CTSO: variants seen among roughly 807,000 people sequenced by gnomAD.
CTSO encodes cathepsin O.
A neutral mutation model predicts 42.4 loss-of-function variants in CTSO; 40 were observed. That is an observed-to-expected ratio of 0.94 (90% CI 0.73 to 1.23). The LOEUF is 1.23. Ranked by LOEUF, CTSO falls within the 50% of genes most tolerant of loss-of-function variation. The pLI, the probability that CTSO is intolerant of heterozygous loss-of-function variation, is 0.00. For synonymous variants in CTSO, 156 were observed against 146.2 expected (o/e 1.07, Z -0.48); for missense variants, 441 against 396.0 (o/e 1.11, Z -0.96).
At chr4:155,953,629 C>A in intron 1 of CTSO, 84 bp downstream of exon 1, 1 of 1,226,770 alleles carries the variant, frequency 8.2e-7, no homozygotes, top group Non-Finnish European at 1.0e-6. Flanking sequence ...AGGGTCAGCT[C>A]TCGGGGGCCC....
intron 5 of CTSO, among the ~76,000 whole-genome samples, chr4:155,932,114 G>A (rs185331831): frequency 9.2e-5 from 14 of 152,002 alleles, no homozygotes; most frequent in Non-Finnish European, 1.2e-4. Flanking sequence ...AAATTTCTGG[G>A]GTCTGATAAA....
At chr4:155,944,114 A>C (rs564100458) in intron 1 of CTSO, among the ~76,000 whole-genome samples, 4 of 152,296 alleles carry the variant, frequency 2.6e-5, no homozygotes, top group Admixed American at 1.3e-4. Context: ...TATATGTCTT[A>C]TTCCTTATGG....
chr4:155,931,965 T>G (rs889993747), intron 5 of CTSO, among the ~76,000 whole-genome samples: 2 of 152,046 alleles, frequency 1.3e-5, no homozygotes, highest in African/African-American at 4.8e-5. Flanking sequence ...TGCTTCATAA[T>G]GTGGATTTTC....
Position 155,939,460 on chromosome 4 carries a change from G to C in CTSO, c.463C>G (p.Leu155Val). 3 of 1,614,118 alleles carry C rather than the reference G, an allele frequency of 1.9e-6. No homozygotes were observed. Among genetic ancestry groups the C allele is most frequent in the Non-Finnish European group, 2.5e-6 (3 of 1,180,020 alleles). Residue 155 changes from leucine to valine, a missense_variant, in exon 4 of 8, where the codon CTA becomes GTA. Physicochemically the swap from Leu to Val is conservative, Grantham distance 32. Transcript: ENST00000433477. ...YAIKGKPLED[L>V]SVQQVIDCSY... Reference sequence around the variant, plus strand: ...CAGTCAATGACCTGCTGGACACTTAGGTCTTCCAGGGGCTTCCCCTTTATT... The same window carrying C: ...CAGTCAATGACCTGCTGGACACTTACGTCTTCCAGGGGCTTCCCCTTTATT...
At chr4:155,952,941 C>A (rs1225083599) in intron 1 of CTSO, among the ~76,000 whole-genome samples, 1 of 151,954 alleles carries the variant, frequency 6.6e-6, no homozygotes, top group Non-Finnish European at 1.5e-5. Context: ...CATAGTGAGG[C>A]GAACACTAAA....
At chr4:155,951,373 T>TA (rs1331064641) in intron 1 of CTSO, among the ~76,000 whole-genome samples, 1 of 152,188 alleles carries the variant, frequency 6.6e-6, no homozygotes, top group Non-Finnish European at 1.5e-5. Flanking sequence ...ATCCAATAGT[T>TA]AAGAGCTTCC....
At chr4:155,943,083 T>C in intron 2 of CTSO, 73 bp downstream of exon 2, 1 of 879,360 alleles carries the variant, frequency 1.1e-6, no homozygotes, top group Non-Finnish European at 1.8e-6. Context: ...AGATTTACAA[T>C]GAAATATTTA....
intron 1 of CTSO, among the ~76,000 whole-genome samples, chr4:155,951,639 C>A (rs1020031217): frequency 5.9e-5 from 9 of 152,154 alleles, no homozygotes; most frequent in African/African-American, 1.7e-4. Context: ...AACCCATGAC[C>A]ATGAAAGACA....
intron 1 of CTSO, among the ~76,000 whole-genome samples, chr4:155,947,222 A>G (rs551859099): frequency 1.7e-4 from 26 of 152,166 alleles, no homozygotes; most frequent in Non-Finnish European, 3.1e-4. Context: ...TGGCTATATA[A>G]TCAACCTCTC....
intron 5 of CTSO, among the ~76,000 whole-genome samples, chr4:155,934,632 T>C (rs571674457): frequency 1.3e-5 from 2 of 152,334 alleles, no homozygotes; most frequent in South Asian, 4.1e-4. Context: ...ATGACTTGGA[T>C]GTGAGATCTG....
At chr4:155,952,505 C>G (rs10005559) in intron 1 of CTSO, among the ~76,000 whole-genome samples, 140,511 of 152,320 alleles carry the variant, frequency 0.92, 65,499 homozygotes, top group East Asian at 1. Flanking sequence ...TAAGGGGTTT[C>G]GTTTACCAGG....
chr4:155,951,657 T>A (rs965494697), intron 1 of CTSO, among the ~76,000 whole-genome samples: 1 of 152,212 alleles, frequency 6.6e-6, no homozygotes, highest in Non-Finnish European at 1.5e-5. Context: ...ACATTACTAA[T>A]TAATCAAGGA....
chr4:155,936,385 T>C (rs1743332056), intron 5 of CTSO, among the ~76,000 whole-genome samples: 1 of 152,192 alleles, frequency 6.6e-6, no homozygotes, highest in East Asian at 1.9e-4. Context: ...CTTGATTTCT[T>C]TCAGATCCCA....
At chr4:155,928,735 G>A (rs957580755) in intron 6 of CTSO, among the ~76,000 whole-genome samples, 11 of 152,074 alleles carry the variant, frequency 7.2e-5, no homozygotes, top group East Asian at 3.9e-4. Flanking sequence ...TTTTAGATAC[G>A]TATGATAAAA....
chr4:155,940,928 A>T (rs1179772194), intron 3 of CTSO, among the ~76,000 whole-genome samples: 3 of 29,374 alleles, frequency 1.0e-4, no homozygotes, highest in South Asian at 2.9e-3. Flanking sequence ...GTTCCTGCTT[A>T]AAAAAAAAAA....
At chr4:155,953,179 G>T (rs1395391552) in intron 1 of CTSO, among the ~76,000 whole-genome samples, 2 of 151,696 alleles carry the variant, frequency 1.3e-5, no homozygotes, top group Non-Finnish European at 2.9e-5. Flanking sequence ...AAAGTGGTGC[G>T]TTAGTTTAAG....
chr4:155,939,284 T>A (rs368563872), intron 4 of CTSO, 87 bp downstream of exon 4: 1 of 1,141,314 alleles, frequency 8.8e-7, no homozygotes, highest in South Asian at 1.9e-5. Context: ...TTATTTAATA[T>A]ATGTGAACAA....
chr4:155,926,617 T>C (rs1743133132), intron 7 of CTSO, among the ~76,000 whole-genome samples: 2 of 152,218 alleles, frequency 1.3e-5, no homozygotes, highest in Admixed American at 6.5e-5. Context: ...TATGAAATAC[T>C]ATCTGCCTTA....
At chr4:155,949,997 A>G (rs1248679001) in intron 1 of CTSO, among the ~76,000 whole-genome samples, 1 of 69,262 alleles carries the variant, frequency 1.4e-5, no homozygotes, top group Non-Finnish European at 3.2e-5. Flanking sequence ...TAGAACAATA[A>G]AAGCTTTTTA....
Sources: gnomAD v4.1 joint callset for allele counts (sites outside exome capture counted in the v4.1 genomes callset) on GRCh38, gnomAD v4.1.1 for gene constraint, MANE v1.5 for transcripts, NCBI Gene and HGNC (gene_info 2026-07-23, HGNC 2026-07-21) for gene names.